Variants in UBE2E2 observed in about 807,000 individuals in gnomAD.
UBE2E2 encodes the protein ubiquitin conjugating enzyme E2 E2, also known as ubiquitin-conjugating enzyme E2 E2.
In UBE2E2, 6 loss-of-function variants were observed where a neutral mutation model predicts 24.7. The observed-to-expected ratio is 0.24, with a 90% CI of 0.13 to 0.48. The LOEUF is 0.48. UBE2E2 is among the 20% of genes least tolerant of loss of function. The pLI is 0.99. For synonymous variants in UBE2E2, 104 were observed against 83.6 expected, an observed-to-expected ratio of 1.24 and a Z score of -1.33; for missense variants, 169 against 245.0, an observed-to-expected ratio of 0.69 and a Z score of 2.07.
In UBE2E2 at chr3:23,582,438, A is replaced by G. The variant is rs560619239; in HGVS notation, c.509-7296A>G. 2.6e-5 allele frequency among the ~76,000 whole-genome samples: 4 copies of G among 152,324 alleles called. No homozygotes were observed. In the East Asian group the frequency reaches 7.7e-4, roughly 29 times the overall value. ...ACCCCGTAATGGGATTGCTGGGTCA[A>G]ATGGTAATTCTGCTTTGAGTTATTT... On this transcript the variant is annotated intron_variant, in intron 5 of 5. Transcript: ENST00000396703.
intron 1 of UBE2E2, 62 bp from the exon 2 acceptor site, chr3:23,208,628 CTG>C: frequency 7.8e-7 from 1 of 1,274,374 alleles, no homozygotes; most frequent in Non-Finnish European, 1.0e-6. Context: ...GGCTCATTCT[CTG>C]TGTTCTGGAG....
intron 3 of UBE2E2, among the ~76,000 whole-genome samples, chr3:23,258,726 T>C (rs1469669704): frequency 2.0e-5 from 3 of 151,808 alleles, no homozygotes; most frequent in African/African-American, 7.3e-5. Context: ...ACCTTGTCTC[T>C]ACTAAAAATA....
intron 5 of UBE2E2, among the ~76,000 whole-genome samples, chr3:23,548,364 T>C (rs1218353574): frequency 2.0e-5 from 3 of 152,228 alleles, no homozygotes; most frequent in Admixed American, 1.3e-4. Flanking sequence ...GTGTTTGTAA[T>C]ATAAAAACAA....
chr3:23,382,171 T>C (rs1431625020), intron 3 of UBE2E2, among the ~76,000 whole-genome samples: 1 of 137,284 alleles, frequency 7.3e-6, no homozygotes, highest in Non-Finnish European at 1.5e-5. Flanking sequence ...TAATTACGAA[T>C]ACTTTAATTT....
chr3:23,440,647 A>T (rs7645209), intron 3 of UBE2E2, among the ~76,000 whole-genome samples: 97,784 of 152,106 alleles, frequency 0.64, 33,380 homozygotes, highest in African/African-American at 0.88. Context: ...GATACTGAGA[A>T]AAAGGATAAA....
At chr3:23,298,466 A>G (rs531144791) in intron 3 of UBE2E2, among the ~76,000 whole-genome samples, 111 of 152,322 alleles carry the variant, frequency 7.3e-4, no homozygotes, top group African/African-American at 2.5e-3. Flanking sequence ...CGTCCCATCA[A>G]TACCTAATTT....
chr3:23,449,388 A>C (rs1342194973), intron 3 of UBE2E2, among the ~76,000 whole-genome samples: 1 of 152,234 alleles, frequency 6.6e-6, no homozygotes, highest in South Asian at 2.1e-4. Flanking sequence ...CAGAATGTTC[A>C]CAAGAAGTAA....
chr3:23,424,588 A>G (rs1287028458), intron 3 of UBE2E2, among the ~76,000 whole-genome samples: 1 of 152,188 alleles, frequency 6.6e-6, no homozygotes, highest in Non-Finnish European at 1.5e-5. Context: ...CACTAATGAA[A>G]GGTCCTCTGC....
intron 5 of UBE2E2, among the ~76,000 whole-genome samples, chr3:23,538,094 T>C (rs1695307163): frequency 6.6e-6 from 1 of 151,556 alleles, no homozygotes; most frequent in Non-Finnish European, 1.5e-5. Context: ...CAAAGCAGAC[T>C]GTTTTAGCAG....
chr3:23,380,176 GTAGTGACTAA>G (rs943812923), intron 3 of UBE2E2, among the ~76,000 whole-genome samples: 2 of 150,078 alleles, frequency 1.3e-5, no homozygotes, highest in African/African-American at 4.9e-5. Flanking sequence ...TACTCTTGTG[GTAGTGACTAA>G]CCATCACTAC....
At chr3:23,335,603 T>C (rs1470844529) in intron 3 of UBE2E2, among the ~76,000 whole-genome samples, 1 of 152,196 alleles carries the variant, frequency 6.6e-6, no homozygotes, top group Non-Finnish European at 1.5e-5. Context: ...CTATCATGGC[T>C]CACTCACTGC....
chr3:23,210,441 A>G (rs1696288051), intron 2 of UBE2E2, among the ~76,000 whole-genome samples: 1 of 152,208 alleles, frequency 6.6e-6, no homozygotes. Context: ...ATACCTTAAA[A>G]TCATATTTCT....
intron 5 of UBE2E2, among the ~76,000 whole-genome samples, chr3:23,561,028 C>T (rs1695915565): frequency 6.6e-6 from 1 of 152,136 alleles, no homozygotes; most frequent in African/African-American, 2.4e-5. Context: ...TGCCTGTTCA[C>T]TCTGCTGGTA....
chr3:23,203,455 C>A lies in UBE2E2; in HGVS notation c.-18C>A. ...CGAGCCTGCGACCTGCACGGACACC[C>A]CCCCCTCAGGTATTCGCTCGGGCCG... On this transcript the variant is annotated 5_prime_UTR_variant, in exon 1 of 6. Transcript: ENST00000396703. 1.0e-6 allele frequency: 1 copy of A among 961,886 alleles called. No individual in the cohort carries two copies. The highest frequency in any genetic ancestry group is 1.2e-6 in the Non-Finnish European group (1 of 821,444). 59.6% of individuals were successfully genotyped at this position (961,886 alleles called of 1,614,324 possible).
chr3:23,412,908 A>G (rs2125383105), intron 3 of UBE2E2, among the ~76,000 whole-genome samples: 1 of 152,158 alleles, frequency 6.6e-6, no homozygotes, highest in African/African-American at 2.4e-5. Flanking sequence ...TCCTTTTTAT[A>G]ATTGTTGGCC....
chr3:23,479,250 A>G (rs13323077), intron 3 of UBE2E2, among the ~76,000 whole-genome samples: 35,477 of 152,058 alleles, frequency 0.23, 4,180 homozygotes, highest in East Asian at 0.37. Flanking sequence ...ACAATCATGG[A>G]ATCTAGTCAC....
chr3:23,236,979 G>T (rs914702867), intron 3 of UBE2E2, among the ~76,000 whole-genome samples: 1 of 152,114 alleles, frequency 6.6e-6, no homozygotes, highest in African/African-American at 2.4e-5. Flanking sequence ...TCTTCCCAGC[G>T]CACCCGTGGG....
chr3:23,527,736 G>A (rs918332071), intron 4 of UBE2E2, among the ~76,000 whole-genome samples: 7 of 152,056 alleles, frequency 4.6e-5, no homozygotes, highest in Admixed American at 1.3e-4. Context: ...ACCCCTAAAA[G>A]CAAGGTTCAG....
At chr3:23,276,335 A>C (rs974582126) in intron 3 of UBE2E2, among the ~76,000 whole-genome samples, 1 of 152,196 alleles carries the variant, frequency 6.6e-6, no homozygotes. Context: ...CAAACCTTTT[A>C]AAGTTGAATA....
Sources: gnomAD v4.1 joint callset for allele counts (sites outside exome capture counted in the v4.1 genomes callset) on GRCh38, gnomAD v4.1.1 for gene constraint, MANE v1.5 for transcripts, NCBI Gene and HGNC (gene_info 2026-07-23, HGNC 2026-07-21) for gene names.